Variants in JAZF1 observed in about 807,000 individuals in gnomAD.
JAZF1 encodes juxtaposed with another zinc finger protein 1.
JAZF1 carries 8 observed loss-of-function variants against 26.4 expected under a neutral mutation model. That is an observed-to-expected ratio of 0.30 (90% CI 0.18 to 0.55). The LOEUF (loss-of-function observed/expected upper bound fraction) is 0.55. Among genes scored for constraint, JAZF1 ranks in the 20% least tolerant of loss-of-function variants. JAZF1 has a pLI of 0.94. For synonymous variants in JAZF1, 126 were observed against 122.3 expected (o/e 1.03, Z -0.20); for missense variants, 199 against 322.0 (o/e 0.62, Z 2.92).
intron 1 of JAZF1, among the ~76,000 whole-genome samples, chr7:28,155,057 G>A (rs1040146536): frequency 4.6e-5 from 7 of 152,120 alleles, no homozygotes; most frequent in African/African-American, 1.7e-4. Flanking sequence ...AAATTTGGTT[G>A]CAAGTACTTT....
At chr7:28,112,887 AAATG>A (rs1275106780) in intron 1 of JAZF1, among the ~76,000 whole-genome samples, 1 of 152,228 alleles carries the variant, frequency 6.6e-6, no homozygotes, top group East Asian at 1.9e-4. Context: ...TTCCTCTTAA[AAATG>A]ATGATTCTGT....
At chr7:28,002,353 T>G (rs1415452661) in intron 1 of JAZF1, among the ~76,000 whole-genome samples, 1 of 152,178 alleles carries the variant, frequency 6.6e-6, no homozygotes, top group African/African-American at 2.4e-5. Flanking sequence ...GAATAAAAAT[T>G]GGCCCTGAGT....
At chr7:28,114,376 G>T (rs1368867511) in intron 1 of JAZF1, among the ~76,000 whole-genome samples, 3 of 151,848 alleles carry the variant, frequency 2.0e-5, no homozygotes, top group Admixed American at 2.0e-4. Flanking sequence ...ACTCACTGCG[G>T]GTTTGGTGCT....
intron 1 of JAZF1, chr7:28,020,680 C>T (rs762419196): frequency 1.7e-5 from 8 of 471,106 alleles, no homozygotes; most frequent in East Asian, 6.9e-5. Flanking sequence ...TAGAAGTGAG[C>T]GAAGGAACTG....
At chr7:27,967,508 C>A (rs1562543312) in intron 2 of JAZF1, among the ~76,000 whole-genome samples, 1 of 152,058 alleles carries the variant, frequency 6.6e-6, no homozygotes, top group African/African-American at 2.4e-5. Flanking sequence ...TATTTGTGTA[C>A]TCAGATCAAT....
In JAZF1 at chr7:28,067,550, C is replaced by G. The variant is rs148939601; in HGVS notation, c.116-75569G>C. ...CAGGCTACACCAGGCTTTAGGTAAT[C>G]TGACTTCTGCTGGAAAGCTCTGGAG... On this transcript the variant is annotated intron_variant, in intron 1 of 4. Transcript: ENST00000283928. Among the ~76,000 whole-genome samples, 3 of 152,288 alleles carry G rather than the reference C, an allele frequency of 2.0e-5. No individual in the cohort carries two copies. In the East Asian group the frequency reaches 5.8e-4, roughly 29 times the overall value.
At chr7:27,941,572 G>T (rs1784848531) in intron 2 of JAZF1, among the ~76,000 whole-genome samples, 1 of 152,218 alleles carries the variant, frequency 6.6e-6, no homozygotes, top group Admixed American at 6.5e-5. Context: ...CTCAGCATGG[G>T]TGTCAATAGC....
At chr7:28,068,840 A>C (rs1316806435) in intron 1 of JAZF1, among the ~76,000 whole-genome samples, 3 of 152,228 alleles carry the variant, frequency 2.0e-5, no homozygotes, top group African/African-American at 7.2e-5. Flanking sequence ...TTTCCCCTGG[A>C]ATTGCAGAAA....
At chr7:27,858,344 C>G (rs1292531446) in intron 3 of JAZF1, among the ~76,000 whole-genome samples, 1 of 152,160 alleles carries the variant, frequency 6.6e-6, no homozygotes, top group African/African-American at 2.4e-5. Flanking sequence ...CCTCATCAAG[C>G]TACCATTGAC....
At chr7:28,116,831 T>C (rs1390989632) in intron 1 of JAZF1, among the ~76,000 whole-genome samples, 1 of 152,034 alleles carries the variant, frequency 6.6e-6, no homozygotes, top group African/African-American at 2.4e-5. Flanking sequence ...TTTCTTTTTC[T>C]TTTTTCTTTT....
At chr7:27,968,961 T>C (rs983956584) in intron 2 of JAZF1, among the ~76,000 whole-genome samples, 20 of 152,294 alleles carry the variant, frequency 1.3e-4, no homozygotes, top group Middle Eastern at 3.4e-3. Flanking sequence ...TAATAGATAG[T>C]ATTTTTCCTA....
chr7:27,887,539 C>T (rs183879872), intron 3 of JAZF1, among the ~76,000 whole-genome samples: 64 of 152,200 alleles, frequency 4.2e-4, no homozygotes, highest in Middle Eastern at 3.4e-3. Context: ...CCTCAGCCTC[C>T]CAAGTAGCTG....
chr7:28,136,532 G>T (rs1337985050), intron 1 of JAZF1, among the ~76,000 whole-genome samples: 1 of 152,240 alleles, frequency 6.6e-6, no homozygotes, highest in Admixed American at 6.5e-5. Context: ...TGGTGGAAGT[G>T]GGTCTGTGCA....
At chr7:28,180,372 C>A in intron 1 of JAZF1, 91 bp downstream of exon 1, 1 of 994,952 alleles carries the variant, frequency 1.0e-6, no homozygotes, top group Non-Finnish European at 1.5e-6. Context: ...CGCCTCCCTC[C>A]CCGCCGGCCA....
intron 2 of JAZF1, among the ~76,000 whole-genome samples, chr7:27,934,870 T>C (rs2128350731): frequency 6.6e-6 from 1 of 152,288 alleles, no homozygotes; most frequent in South Asian, 2.1e-4. Flanking sequence ...TCGTTAAAAC[T>C]AAAACTTTAG....
chr7:27,976,826 C>T (rs939788082), intron 2 of JAZF1, among the ~76,000 whole-genome samples: 4 of 152,054 alleles, frequency 2.6e-5, no homozygotes, highest in Non-Finnish European at 4.4e-5. Flanking sequence ...CTATGGCTGA[C>T]TAAAATCTGG....
At chr7:27,845,748 G>C (rs1378161653) in intron 3 of JAZF1, among the ~76,000 whole-genome samples, 1 of 149,186 alleles carries the variant, frequency 6.7e-6, no homozygotes, top group African/African-American at 2.5e-5. Flanking sequence ...TTAAAAAAAT[G>C]TTAAGTGACT....
intron 2 of JAZF1, among the ~76,000 whole-genome samples, chr7:27,907,130 C>G (rs1313090874): frequency 1.3e-5 from 2 of 152,194 alleles, no homozygotes; most frequent in African/African-American, 4.8e-5. Flanking sequence ...AATCTAGGTT[C>G]TGAAGGCAAA....
chr7:27,973,078 C>T (rs1013858572), intron 2 of JAZF1, among the ~76,000 whole-genome samples: 2 of 151,872 alleles, frequency 1.3e-5, no homozygotes, highest in Non-Finnish European at 2.9e-5. Flanking sequence ...GGAGAATACC[C>T]GCCACAACGT....
Sources: allele counts gnomAD v4.1 joint callset (sites outside exome capture counted in the v4.1 genomes callset), GRCh38; gene constraint gnomAD v4.1.1; transcripts MANE v1.5; gene names NCBI Gene and HGNC (gene_info 2026-07-23, HGNC 2026-07-21).